TLN2: variants seen among roughly 807,000 people sequenced by gnomAD.
The protein encoded by TLN2 is talin 2, also known as talin-2.
In TLN2, 118 loss-of-function variants were observed where a neutral mutation model predicts 294.7. The ratio of observed to expected loss-of-function variants is 0.40; its 90% CI spans 0.34 to 0.47. The LOEUF is 0.47. Among genes scored for constraint, TLN2 ranks in the 20% least tolerant of loss-of-function variants. The pLI, the probability that TLN2 is intolerant of heterozygous loss-of-function variation, is 0.84. For missense variants in TLN2, 3,083 were observed against 3,282.2 expected, an observed-to-expected ratio of 0.94 and a Z score of 1.48; for synonymous variants, 1,431 against 1,304.5, an observed-to-expected ratio of 1.10 and a Z score of -2.09.
chr15:62,424,714 C>T (rs952193560), intron 1 of TLN2, among the ~76,000 whole-genome samples: 2 of 151,970 alleles, frequency 1.3e-5, no homozygotes, highest in Admixed American at 1.3e-4. Context: ...GTCTAGTGGC[C>T]CAATCTTGGC....
At chr15:62,804,215 A>G (rs1436864011) in intron 50 of TLN2, among the ~76,000 whole-genome samples, 1 of 152,210 alleles carries the variant, frequency 6.6e-6, no homozygotes, top group Non-Finnish European at 1.5e-5. Flanking sequence ...GGCAGGCCTA[A>G]TGGTGGTGAT....
chr15:62,580,068 C>T (rs1161810395), intron 1 of TLN2, among the ~76,000 whole-genome samples: 1 of 152,234 alleles, frequency 6.6e-6, no homozygotes, highest in Non-Finnish European at 1.5e-5. Context: ...CTCTCCCAGG[C>T]CCTGGCCTGC....
At chr15:62,604,135 C>G (rs1470593061) in intron 2 of TLN2, among the ~76,000 whole-genome samples, 1 of 151,982 alleles carries the variant, frequency 6.6e-6, no homozygotes, top group African/African-American at 2.4e-5. Context: ...AAAAACCATT[C>G]TTAGCTTTTG....
In TLN2 at chr15:62,792,676, G is replaced by C. The variant is rs763479820; in HGVS notation, c.5772G>C (p.Leu1924=). Residue 1924 remains leucine (L), a synonymous_variant, in exon 46 of 59, where the codon CTG becomes CTC. Transcript: ENST00000636159. ...AGATTCGCACTCGTGTGCAGGACCT[G>C]GGCCACGGCTGTATCTTCCTGGTGC... is the stretch of plus-strand genomic sequence containing the variant. ...GFQIRTRVQD[L]GHGCIFLVQK... The C allele has an allele frequency of 5.6e-6, 9 of 1,613,884 alleles. No homozygotes were observed. Among genetic ancestry groups the C allele is most frequent in the Non-Finnish European group, 7.6e-6 (9 of 1,180,032 alleles).
chr15:62,788,649 A>C (rs1376544911), intron 45 of TLN2, among the ~76,000 whole-genome samples: 1 of 152,234 alleles, frequency 6.6e-6, no homozygotes, highest in Admixed American at 6.5e-5. Flanking sequence ...TATGCGAGCC[A>C]CTTTAAATAA....
At chr15:62,629,682 G>A (rs905684315) in intron 3 of TLN2, among the ~76,000 whole-genome samples, 6 of 152,144 alleles carry the variant, frequency 3.9e-5, no homozygotes, top group African/African-American at 9.7e-5. Flanking sequence ...CAAAACATGT[G>A]TCAGTAAAAT....
intron 1 of TLN2, among the ~76,000 whole-genome samples, chr15:62,432,930 G>A (rs983046017): frequency 1.3e-5 from 2 of 152,132 alleles, no homozygotes; most frequent in Admixed American, 1.3e-4. Context: ...AGAAGCCCTT[G>A]CCAGGCAGGC....
rs2070819944 is a variant in TLN2 at position 62,842,546 on chromosome 15, C to A, written c.*1936C>A. The A allele has an allele frequency of 6.6e-6, 1 of 151,648 alleles. No individual in the cohort carries two copies. The highest frequency in any genetic ancestry group is 2.4e-5 in the African/African-American group (1 of 41,166). The allele number at this position is 151,648 out of a possible 1,614,324, so 9.4% of individuals were successfully genotyped here. A position where few individuals can be genotyped will look rare whatever the true frequency, so the allele number is the denominator to read the frequency against. The stretch of plus-strand genomic sequence containing the variant: ...CCCCTCTGTGGCCCAGCCCACCCCA[C>A]CCTCTGCTCTTCTATGCTGTGCCCA... On this transcript the variant is annotated 3_prime_UTR_variant, in exon 59 of 59. Coordinates refer to ENST00000636159, the MANE Select transcript of TLN2 (RefSeq NM_015059.3).
intron 17 of TLN2, among the ~76,000 whole-genome samples, chr15:62,701,559 C>G (rs544183717): frequency 7.2e-5 from 11 of 152,284 alleles, no homozygotes. Flanking sequence ...AATGAACAGA[C>G]CTGTCATATG....
intron 48 of TLN2, among the ~76,000 whole-genome samples, chr15:62,799,027 C>T (rs144621876): frequency 3.0e-4 from 45 of 152,280 alleles, no homozygotes; most frequent in African/African-American, 1.0e-3. Flanking sequence ...ACTCTTAATA[C>T]GTTGTCACAT....
At chr15:62,656,151 G>C (rs940228972) in intron 8 of TLN2, 65 bp downstream of exon 8, 2 of 1,589,428 alleles carry the variant, frequency 1.3e-6, no homozygotes, top group Admixed American at 3.5e-5. Flanking sequence ...GCTGTATCTT[G>C]TGGCGAGCAG....
chr15:62,467,207 A>C (rs886239461), intron 1 of TLN2, among the ~76,000 whole-genome samples: 4 of 152,196 alleles, frequency 2.6e-5, no homozygotes, highest in Non-Finnish European at 5.9e-5. Flanking sequence ...CCTGCCTCCA[A>C]GTCTTTTGGT....
chr15:62,479,054 T>A (rs1595896438), intron 1 of TLN2, among the ~76,000 whole-genome samples: 1 of 152,332 alleles, frequency 6.6e-6, no homozygotes, highest in South Asian at 2.1e-4. Context: ...CCTTCTGGAA[T>A]GCTGGGATGT....
intron 31 of TLN2, among the ~76,000 whole-genome samples, chr15:62,739,920 A>G (rs1197808255): frequency 6.6e-6 from 1 of 152,118 alleles, no homozygotes; most frequent in Non-Finnish European, 1.5e-5. Flanking sequence ...GACCATTCAG[A>G]TGGTCTGTGT....
chr15:62,767,686 AG>A lies in TLN2; in HGVS notation c.5196+1267del, dbSNP rs1385831886. On this transcript the variant is annotated intron_variant, in intron 41 of 58. Transcript: ENST00000636159. ...AGTTTCTTTATACGGCAATTAGAAA[AG>A]GGCTTGTCCGTCTGTCTGAAGAGGT... is the stretch of plus-strand genomic sequence containing the variant. Among the ~76,000 whole-genome samples, 3 of 152,332 alleles carry A rather than the reference AG, an allele frequency of 2.0e-5. No individual in the cohort carries two copies. The East Asian group carries it at 5.8e-4, about 29-fold the overall frequency.
At chr15:62,549,453 C>CA (rs2042168872) in intron 1 of TLN2, among the ~76,000 whole-genome samples, 1 of 141,060 alleles carries the variant, frequency 7.1e-6, no homozygotes, top group African/African-American at 2.7e-5. Context: ...TTAATAGTGC[C>CA]ACTCAGAGGC....
chr15:62,758,124 C>A (rs972489547), intron 37 of TLN2, among the ~76,000 whole-genome samples: 1 of 152,072 alleles, frequency 6.6e-6, no homozygotes, highest in African/African-American at 2.4e-5. Context: ...TGTGCCCAAG[C>A]CTAAATCCCA....
chr15:62,800,559 G>A (rs2065865276), intron 49 of TLN2, 66 bp downstream of exon 49: 5 of 1,609,676 alleles, frequency 3.1e-6, no homozygotes, highest in African/African-American at 1.3e-5. Context: ...AAGGAGAGGC[G>A]TCCTTGCTCA....
chr15:62,560,223 A>G, intron 1 of TLN2, among the ~76,000 whole-genome samples: 1 of 152,154 alleles, frequency 6.6e-6, no homozygotes, highest in Non-Finnish European at 1.5e-5. Context: ...CCTATTTTCC[A>G]ATTCTAATAC....
Sources: allele counts gnomAD v4.1 joint callset (sites outside exome capture counted in the v4.1 genomes callset), GRCh38; gene constraint gnomAD v4.1.1; transcripts MANE v1.5; gene names NCBI Gene and HGNC (gene_info 2026-07-23, HGNC 2026-07-21).